PIK3C2G: variants seen among roughly 807,000 people sequenced by gnomAD.
The protein encoded by PIK3C2G is phosphatidylinositol-4-phosphate 3-kinase catalytic subunit type 2 gamma.
PIK3C2G carries 168 observed loss-of-function variants against 181.1 expected under a neutral mutation model. The ratio of observed to expected loss-of-function variants is 0.93; its 90% CI spans 0.82 to 1.05. The LOEUF is 1.05. Among genes scored for constraint, PIK3C2G ranks in the 50% least tolerant of loss-of-function variants. PIK3C2G has a pLI of 0.00. For synonymous variants in PIK3C2G, 573 were observed against 592.2 expected (o/e 0.97, Z 0.47); for missense variants, 1,869 against 1,732.8 (o/e 1.08, Z -1.40).
At chr12:18,457,917 G>GT (rs924671700) in intron 18 of PIK3C2G, among the ~76,000 whole-genome samples, 7 of 151,818 alleles carry the variant, frequency 4.6e-5, no homozygotes, top group African/African-American at 9.7e-5. Context: ...GGTGACAATA[G>GT]TTTTTTTTAA....
At chr12:18,469,700 T>C (rs1193829304) in intron 18 of PIK3C2G, among the ~76,000 whole-genome samples, 2 of 151,970 alleles carry the variant, frequency 1.3e-5, no homozygotes, top group Admixed American at 1.3e-4. Flanking sequence ...TGGTTTCTTA[T>C]ATTATCTTTT....
chr12:18,651,413 T>A (rs1282088254), downstream of PIK3C2G, among the ~76,000 whole-genome samples: 1 of 152,172 alleles, frequency 6.6e-6, no homozygotes, highest in East Asian at 1.9e-4. Flanking sequence ...CTTATCATCT[T>A]TGAATATTTT....
the PIK3C2G span, chr12:18,713,967 T>C: frequency 6.6e-6 from 1 of 152,236 alleles, no homozygotes; most frequent in Non-Finnish European, 1.5e-5. Flanking sequence ...TTAGCACATA[T>C]GCTTTTATTT....
intron 32 of PIK3C2G, among the ~76,000 whole-genome samples, chr12:18,645,422 C>T (rs1950071775): frequency 6.6e-6 from 1 of 152,018 alleles, no homozygotes; most frequent in South Asian, 2.1e-4. Context: ...CTTAATGAAG[C>T]AGAGGGAAAA....
chr12:18,621,667 TCTC>T (rs1948871351), intron 31 of PIK3C2G, among the ~76,000 whole-genome samples: 1 of 151,844 alleles, frequency 6.6e-6, no homozygotes, highest in Non-Finnish European at 1.5e-5. Flanking sequence ...GCTATTCTGA[TCTC>T]CTTTTTGTGC....
At chr12:18,439,782 A>G (rs1416615649) in intron 18 of PIK3C2G, among the ~76,000 whole-genome samples, 1 of 152,084 alleles carries the variant, frequency 6.6e-6, no homozygotes, top group African/African-American at 2.4e-5. Context: ...CATTCTCCAT[A>G]TTGCTTTAAA....
At chr12:18,245,523 G>A (rs1296934237), upstream of PIK3C2G, among the ~76,000 whole-genome samples, 1 of 151,922 alleles carries the variant, frequency 6.6e-6, no homozygotes, top group Non-Finnish European at 1.5e-5. Context: ...ATCCTCACAA[G>A]CAGAAATAAT....
intron 1 of PIK3C2G, among the ~76,000 whole-genome samples, chr12:18,275,070 C>A (rs1948925136): frequency 6.6e-6 from 1 of 152,186 alleles, no homozygotes; most frequent in Admixed American, 6.5e-5. Flanking sequence ...TGAGTTCCTG[C>A]ATGTTTCCTG....
At chr12:18,480,567 G>C (rs1321322365) in intron 18 of PIK3C2G, among the ~76,000 whole-genome samples, 1 of 152,114 alleles carries the variant, frequency 6.6e-6, no homozygotes, top group Non-Finnish European at 1.5e-5. Context: ...GGACCAAATT[G>C]AGGACTAGTT....
Position 18,381,057 on chromosome 12 carries a change from CTTCTTTTTTAA to C in PIK3C2G, c.1881-705_1881-695del, listed in dbSNP as rs1407317488. ...GACTCATATACCTAGCCAGGTACAACTTCTTTTTTAATTCACATAAGGATCTGTGGATTTGG... is the reference window on the plus strand; with the variant it reads ...GACTCATATACCTAGCCAGGTACAACTTCACATAAGGATCTGTGGATTTGG... On this transcript the variant is annotated intron_variant, in intron 13 of 32. Transcript: ENST00000538779. Among the ~76,000 whole-genome samples, 5 of 152,300 alleles carry C rather than the reference CTTCTTTTTTAA, an allele frequency of 3.3e-5. No homozygotes were observed. The East Asian group carries it at 9.6e-4, about 29-fold the overall frequency.
chr12:18,375,385 T>C (rs1004035746), intron 13 of PIK3C2G, among the ~76,000 whole-genome samples: 1 of 152,220 alleles, frequency 6.6e-6, no homozygotes, highest in Admixed American at 6.5e-5. Context: ...GAATGATGAC[T>C]TAGAGTATCT....
the PIK3C2G span, chr12:18,714,644 A>G: frequency 1.3e-5 from 2 of 152,172 alleles, no homozygotes; most frequent in Non-Finnish European, 2.9e-5. Context: ...ACCAGTAAGT[A>G]CATTAAATTA....
At chr12:18,403,910 G>C (rs953773145) in intron 16 of PIK3C2G, among the ~76,000 whole-genome samples, 4 of 151,938 alleles carry the variant, frequency 2.6e-5, no homozygotes, top group Non-Finnish European at 5.9e-5. Context: ...CTAATAACAA[G>C]CAAAAATTAC....
chr12:18,583,866 C>T (rs1385540542), intron 29 of PIK3C2G, among the ~76,000 whole-genome samples: 2 of 151,974 alleles, frequency 1.3e-5, no homozygotes, highest in Non-Finnish European at 2.9e-5. Flanking sequence ...CTTAACTAGG[C>T]TGAGTTGGCT....
At chr12:18,686,809 C>A in the PIK3C2G span, among the ~76,000 whole-genome samples, 2 of 152,034 alleles carry the variant, frequency 1.3e-5, no homozygotes, top group Non-Finnish European at 2.9e-5. Context: ...GATTTTAAGT[C>A]TTTTACTACT....
At chr12:18,348,642 G>A (rs1939917022) in intron 11 of PIK3C2G, among the ~76,000 whole-genome samples, 1 of 152,142 alleles carries the variant, frequency 6.6e-6, no homozygotes, top group Non-Finnish European at 1.5e-5. Context: ...CCATGGACCA[G>A]TCAAAATTCT....
chr12:18,438,655 T>G (rs757092661), intron 18 of PIK3C2G, among the ~76,000 whole-genome samples: 22 of 151,974 alleles, frequency 1.4e-4, no homozygotes, highest in African/African-American at 5.1e-4. Flanking sequence ...CCTCATACAT[T>G]AGTACCCATC....
the PIK3C2G span, among the ~76,000 whole-genome samples, chr12:18,724,268 C>T: frequency 1.3e-5 from 2 of 151,948 alleles, no homozygotes; most frequent in Admixed American, 6.6e-5. Flanking sequence ...AAAGAACAGA[C>T]CTCGGTGAAA....
At position 18,286,885 on chromosome 12, in the gene PIK3C2G, AAGC is replaced by A; in HGVS notation, c.722_724del (p.Ser241del). 6.3e-7 allele frequency: 1 copy of A among 1,576,560 alleles called. No homozygotes were observed. Among genetic ancestry groups the A allele is most frequent in the Non-Finnish European group, 8.6e-7 (1 of 1,160,078 alleles). ...CCATTCAGCTAGTGGAAGTACCTCA[AAGC>A]AGCAATACGAGTCTGGCCTCTTTTT... is the stretch of plus-strand genomic sequence containing the variant. On this transcript the variant is annotated inframe_deletion, in exon 3 of 33. Transcript: ENST00000538779.
Sources: gnomAD v4.1 joint callset for allele counts (sites outside exome capture counted in the v4.1 genomes callset) on GRCh38, gnomAD v4.1.1 for gene constraint, MANE v1.5 for transcripts, NCBI Gene and HGNC (gene_info 2026-07-23, HGNC 2026-07-21) for gene names.